Variants in DOCK1 observed in about 807,000 individuals in gnomAD.
The protein encoded by DOCK1 is dedicator of cytokinesis 1.
DOCK1 carries 138 observed loss-of-function variants against 262.7 expected under a neutral mutation model. The ratio of observed to expected loss-of-function variants is 0.53; its 90% CI spans 0.46 to 0.61. DOCK1 has a LOEUF of 0.61. DOCK1 is among the 20% of genes least tolerant of loss of function. The probability of loss-of-function intolerance (pLI) is 0.00; values close to 1 mark genes in which losing one functional copy is unlikely to be tolerated. For synonymous variants in DOCK1, 866 were observed against 867.4 expected, an observed-to-expected ratio of 1.00 and a Z score of 0.03; for missense variants, 1,908 against 2,370.7, an observed-to-expected ratio of 0.80 and a Z score of 4.05.
At chr10:127,155,538 C>T (rs1023148884) in intron 27 of DOCK1, among the ~76,000 whole-genome samples, 3 of 152,130 alleles carry the variant, frequency 2.0e-5, no homozygotes, top group African/African-American at 4.8e-5. Context: ...TTGGCTTTGT[C>T]AGGAGAGAGG....
intron 21 of DOCK1, among the ~76,000 whole-genome samples, chr10:127,049,968 C>CTTTTTTTTTTTT: frequency 1.0e-5 from 1 of 100,074 alleles, no homozygotes; most frequent in Non-Finnish European, 1.9e-5. Flanking sequence ...AAACTGGCCT[C>CTTTTTTTTTTTT]TTTTTTTTTT....
rs2038955108 is a variant in DOCK1 at position 126,981,269 on chromosome 10, G to A, written c.172-649G>A. Among the ~76,000 whole-genome samples the A allele has an allele frequency of 2.0e-5, 3 of 152,112 alleles. No homozygotes were observed. The South Asian group carries it at 6.2e-4, about 32-fold the overall frequency. On this transcript the variant is annotated intron_variant, in intron 3 of 51. Transcript: ENST00000623213. Reference sequence around the variant, plus strand: ...CAAACTCTTGATAAAGCTCTTTCTGGCACTTCACAGAATGTGCCTGAGGCT... The same window carrying A: ...CAAACTCTTGATAAAGCTCTTTCTGACACTTCACAGAATGTGCCTGAGGCT...
intron 27 of DOCK1, among the ~76,000 whole-genome samples, chr10:127,141,539 C>T (rs1443875798): frequency 6.6e-6 from 1 of 152,106 alleles, no homozygotes; most frequent in African/African-American, 2.4e-5. Flanking sequence ...CCCATCTGTA[C>T]TAAAAATATA....
chr10:127,143,000 T>A (rs1399294878), intron 27 of DOCK1, among the ~76,000 whole-genome samples: 1 of 152,208 alleles, frequency 6.6e-6, no homozygotes, highest in Non-Finnish European at 1.5e-5. Flanking sequence ...GAGACTGTGC[T>A]AGGCTTTGTA....
At chr10:127,263,445 A>G (rs2060249649) in intron 29 of DOCK1, among the ~76,000 whole-genome samples, 1 of 64,486 alleles carries the variant, frequency 1.6e-5, no homozygotes, top group Admixed American at 1.5e-4. Flanking sequence ...TCACTTGGTT[A>G]TGTCCAAGAT....
intron 27 of DOCK1, among the ~76,000 whole-genome samples, chr10:127,169,074 A>G (rs1679606705): frequency 1.3e-5 from 2 of 152,220 alleles, no homozygotes; most frequent in Admixed American, 1.3e-4. Flanking sequence ...CGCAAGTCAC[A>G]TCACGCAAAC....
At chr10:127,023,779 G>C (rs2042623127) in intron 14 of DOCK1, among the ~76,000 whole-genome samples, 1 of 152,080 alleles carries the variant, frequency 6.6e-6, no homozygotes, top group South Asian at 2.1e-4. Flanking sequence ...ACCTTATCGT[G>C]GAGTCTCATT....
At chr10:126,997,095 C>T (rs1251989847) in intron 7 of DOCK1, among the ~76,000 whole-genome samples, 1 of 152,102 alleles carries the variant, frequency 6.6e-6, no homozygotes, top group African/African-American at 2.4e-5. Flanking sequence ...CATTGTGTTT[C>T]ATCGTAGGAG....
chr10:127,208,182 A>G (rs945736513), intron 27 of DOCK1, among the ~76,000 whole-genome samples: 22 of 152,174 alleles, frequency 1.4e-4, no homozygotes, highest in African/African-American at 5.3e-4. Context: ...GAAACGGAAG[A>G]ATTTTGCTGT....
intron 1 of DOCK1, among the ~76,000 whole-genome samples, chr10:126,950,673 G>A (rs1454559584): frequency 6.6e-6 from 1 of 152,136 alleles, no homozygotes. Context: ...ATGATGCCTG[G>A]AGGTGGGGCG....
Position 127,018,775 on chromosome 10 carries a change from T to A in DOCK1, c.1267T>A (p.Leu423Ile), listed in dbSNP as rs2042194814. ...IHQIRKEFPHLVDRTTAVARK... is the reference protein window; with the variant it reads ...IHQIRKEFPHIVDRTTAVARK... ...TCAGATCCGAAAAGAGTTTCCGCATTTAGTGGACAGGACCACAGCTGTGGC... is the reference window on the plus strand; with the variant it reads ...TCAGATCCGAAAAGAGTTTCCGCATATAGTGGACAGGACCACAGCTGTGGC... The change falls in exon 13 of 52, where the codon TTA (leucine) becomes ATA (isoleucine). Residue 423 changes from leucine to isoleucine, a missense_variant. Transcript: ENST00000623213. 1 of 1,613,860 alleles carries A rather than the reference T, an allele frequency of 6.2e-7. No individual in the cohort carries two copies. The highest frequency in any genetic ancestry group is 1.7e-5 in the Admixed American group (1 of 59,984).
intron 17 of DOCK1, 52 bp from the exon 18 acceptor site, chr10:127,032,085 T>C (rs1273527833): frequency 1.9e-6 from 3 of 1,553,262 alleles, no homozygotes; most frequent in Admixed American, 3.9e-5. Context: ...GCAAAAATGG[T>C]GTGTTGCTGT....
intron 23 of DOCK1, among the ~76,000 whole-genome samples, chr10:127,067,205 G>A (rs2045929973): frequency 6.6e-6 from 1 of 152,236 alleles, no homozygotes; most frequent in Non-Finnish European, 1.5e-5. Flanking sequence ...AGGAGACCTT[G>A]GCGATGGCCC....
chr10:127,221,444 G>A (rs2058432475), intron 27 of DOCK1, among the ~76,000 whole-genome samples: 2 of 152,168 alleles, frequency 1.3e-5, no homozygotes, highest in Admixed American at 6.5e-5. Flanking sequence ...AGACATGTGT[G>A]TCTTGTGTGG....
intron 27 of DOCK1, among the ~76,000 whole-genome samples, chr10:127,155,918 G>A (rs2133561980): frequency 6.6e-6 from 1 of 152,292 alleles, no homozygotes; most frequent in African/African-American, 2.4e-5. Flanking sequence ...GGCTTGGGTG[G>A]CAGATGAGGT....
At chr10:126,958,030 G>T (rs2036887775) in intron 1 of DOCK1, among the ~76,000 whole-genome samples, 2 of 152,098 alleles carry the variant, frequency 1.3e-5, no homozygotes, top group African/African-American at 4.8e-5. Context: ...ACTTATCTAT[G>T]GTAATAAAAA....
intron 38 of DOCK1, among the ~76,000 whole-genome samples, chr10:127,387,410 A>G (rs2066188114): frequency 6.6e-6 from 1 of 152,204 alleles, no homozygotes; most frequent in Non-Finnish European, 1.5e-5. Flanking sequence ...CATGATTGGC[A>G]TTCTGGGCTA....
At chr10:127,394,782 G>T (rs539594003) in intron 38 of DOCK1, among the ~76,000 whole-genome samples, 2 of 152,296 alleles carry the variant, frequency 1.3e-5, no homozygotes, top group Admixed American at 6.5e-5. Context: ...CCCACAGTGT[G>T]CCCAGTGCCG....
rs189009699 is a variant in DOCK1, at chr10:127,013,013, C to T, written c.1201+639C>T. Among the ~76,000 whole-genome samples the T allele has an allele frequency of 1.4e-3, 214 of 152,312 alleles. 1 individual carries two copies. In the South Asian group the frequency reaches 0.017, roughly 12 times the overall value. The stretch of plus-strand genomic sequence containing the variant: ...CACTCCCTGATCCATGCAGACTGCC[C>T]GTAAACGCGGTAGAGCTTAGGTGAA... On this transcript the variant is annotated intron_variant, in intron 12 of 51. Coordinates refer to ENST00000623213, the MANE Select transcript of DOCK1 (RefSeq NM_001290223.2).
Sources: gnomAD v4.1 joint callset for allele counts (sites outside exome capture counted in the v4.1 genomes callset) on GRCh38, gnomAD v4.1.1 for gene constraint, MANE v1.5 for transcripts, NCBI Gene and HGNC (gene_info 2026-07-23, HGNC 2026-07-21) for gene names.